The following GABRG1 variants were observed in gnomAD, a reference collection of about 807,000 sequenced individuals.
GABRG1 encodes gamma-aminobutyric acid type A receptor subunit gamma1.
In GABRG1, 49 loss-of-function variants were observed where a neutral mutation model predicts 49.8. That is an observed-to-expected ratio of 0.98 (90% CI 0.78 to 1.25). The LOEUF is 1.25. Ranked by LOEUF, GABRG1 falls within the 50% of genes most tolerant of loss-of-function variation. GABRG1 has a pLI of 0.00. For missense variants in GABRG1, 552 were observed against 552.3 expected (o/e 1.00, Z 0.01); for synonymous variants, 232 against 185.1 (o/e 1.25, Z -2.06).
chr4:46,104,048 A>G (rs1720460838), intron 1 of GABRG1, among the ~76,000 whole-genome samples: 1 of 151,324 alleles, frequency 6.6e-6, no homozygotes, highest in African/African-American at 2.4e-5. Flanking sequence ...TCCTTATATT[A>G]AAAAATAAGG....
intron 3 of GABRG1, among the ~76,000 whole-genome samples, chr4:46,074,326 T>C (rs1188336090): frequency 6.6e-6 from 1 of 152,184 alleles, no homozygotes; most frequent in Non-Finnish European, 1.5e-5. Flanking sequence ...ACGTGACTCA[T>C]GTTTTAAATT....
At chr4:46,110,686 A>C (rs928339405) in intron 1 of GABRG1, among the ~76,000 whole-genome samples, 3 of 151,246 alleles carry the variant, frequency 2.0e-5, no homozygotes, top group Non-Finnish European at 4.4e-5. Flanking sequence ...CTGGGATATA[A>C]GGTTGGTTCA....
At chr4:46,058,186 T>C in intron 7 of GABRG1, 31 bp downstream of exon 7, 2 of 1,575,644 alleles carry the variant, frequency 1.3e-6, no homozygotes, top group Non-Finnish European at 8.6e-7. Context: ...TAAAGTTCTA[T>C]GGCATTATAG....
intron 3 of GABRG1, among the ~76,000 whole-genome samples, chr4:46,071,130 A>T (rs1319473156): frequency 6.6e-6 from 1 of 152,040 alleles, no homozygotes; most frequent in African/African-American, 2.4e-5. Flanking sequence ...TGATATAAAC[A>T]AACCTATTAT....
chr4:46,095,878 A>G (rs1720148957), intron 2 of GABRG1, among the ~76,000 whole-genome samples: 1 of 151,792 alleles, frequency 6.6e-6, no homozygotes, highest in Admixed American at 6.6e-5. Context: ...ACGTAAGTGA[A>G]TTCATTTCAC....
chr4:46,045,957 G>C (rs1248949330), intron 8 of GABRG1, among the ~76,000 whole-genome samples: 1 of 152,018 alleles, frequency 6.6e-6, no homozygotes, highest in Admixed American at 6.6e-5. Flanking sequence ...AAGAGTTATA[G>C]ATACCTGGAA....
At chr4:46,090,720 A>T (rs1242048280) in intron 2 of GABRG1, among the ~76,000 whole-genome samples, 1 of 152,004 alleles carries the variant, frequency 6.6e-6, no homozygotes, top group Non-Finnish European at 1.5e-5. Flanking sequence ...GATAGCCAGA[A>T]TTTGATGTAA....
chr4:46,083,026 C>T lies in GABRG1; in HGVS notation c.321+960G>A, dbSNP rs753547174. ...CTTCCCTGATAGCAAATCTATAAGG[C>T]AAAATGCTGCTGGACCATTCCTGCT... On this transcript the variant is annotated intron_variant, in intron 3 of 8. Transcript: ENST00000295452. Among the ~76,000 whole-genome samples, 88 of 151,738 alleles carry T rather than the reference C, an allele frequency of 5.8e-4. 1 individual carries two copies. The highest frequency in any genetic ancestry group is 8.4e-4 in the Non-Finnish European group (57 of 67,764).
At chr4:46,086,091 G>A (rs939910869) in intron 2 of GABRG1, among the ~76,000 whole-genome samples, 1 of 151,494 alleles carries the variant, frequency 6.6e-6, no homozygotes, top group Non-Finnish European at 1.5e-5. Flanking sequence ...AAATGTGAAG[G>A]CAGGTAGAGA....
At chr4:46,051,398 A>C in intron 8 of GABRG1, 26 bp downstream of exon 8, 1 of 1,522,646 alleles carries the variant, frequency 6.6e-7, no homozygotes, top group Non-Finnish European at 8.9e-7. Context: ...AGGTTTATAA[A>C]ATAGAAATTT....
intron 8 of GABRG1, among the ~76,000 whole-genome samples, chr4:46,043,138 G>C (rs186039889): frequency 6.6e-6 from 1 of 152,006 alleles, no homozygotes; most frequent in East Asian, 1.9e-4. Flanking sequence ...AGATTATGTG[G>C]TAGAAAACAC....
At chr4:46,062,367 C>T (rs1229417230) in intron 5 of GABRG1, among the ~76,000 whole-genome samples, 5 of 151,822 alleles carry the variant, frequency 3.3e-5, no homozygotes, top group Admixed American at 1.3e-4. Context: ...GCAGCATGAT[C>T]TATAGTCCTT....
At chr4:46,117,578 CTCTG>C in intron 1 of GABRG1, among the ~76,000 whole-genome samples, 1 of 143,436 alleles carries the variant, frequency 7.0e-6, no homozygotes, top group East Asian at 2.0e-4. Context: ...CTCTCTCTCT[CTCTG>C]TCTCTCTTTG....
Position 46,051,734 on chromosome 4 carries a change from A to C in GABRG1, c.917-96T>G, listed in dbSNP as rs111340364. 647 of 690,954 alleles carry C rather than the reference A, an allele frequency of 9.4e-4. 2 individuals are homozygous for C. The African/African-American group carries it at 0.011, about 12-fold the overall frequency. 42.8% of individuals were successfully genotyped at this position (690,954 alleles called of 1,614,324 possible). On this transcript the variant is annotated intron_variant, in intron 7 of 8. Coordinates refer to ENST00000295452, the MANE Select transcript of GABRG1 (RefSeq NM_173536.4). Reference sequence around the variant, plus strand: ...AATATTGTGAGTGAAATTAAACAATAGAAACAAAAATATGATTACTAGTAA... The same window carrying C: ...AATATTGTGAGTGAAATTAAACAATCGAAACAAAAATATGATTACTAGTAA...
chr4:46,097,805 G>A (rs1490404196), intron 1 of GABRG1, among the ~76,000 whole-genome samples: 1 of 151,562 alleles, frequency 6.6e-6, no homozygotes, highest in African/African-American at 2.4e-5. Context: ...TAGAAAAGAA[G>A]AATTAAGAAA....
At chr4:46,104,231 A>G (rs539011069) in intron 1 of GABRG1, among the ~76,000 whole-genome samples, 1 of 151,576 alleles carries the variant, frequency 6.6e-6, no homozygotes, top group African/African-American at 2.4e-5. Context: ...CCTACTCAAA[A>G]CATACATAGA....
intron 3 of GABRG1, among the ~76,000 whole-genome samples, chr4:46,071,989 T>C (rs1000695458): frequency 1.3e-5 from 2 of 152,176 alleles, no homozygotes; most frequent in African/African-American, 4.8e-5. Flanking sequence ...CACTCACCAC[T>C]CACTCACTGA....
At chr4:46,062,159 G>T (rs1718721250) in intron 5 of GABRG1, among the ~76,000 whole-genome samples, 1 of 151,368 alleles carries the variant, frequency 6.6e-6, no homozygotes, top group Admixed American at 6.6e-5. Flanking sequence ...AGTTTACTGA[G>T]AATGATGATT....
chr4:46,072,538 A>C (rs1719169921), intron 3 of GABRG1, among the ~76,000 whole-genome samples: 1 of 152,074 alleles, frequency 6.6e-6, no homozygotes, highest in Admixed American at 6.6e-5. Flanking sequence ...TCTCTATGAA[A>C]ATCTGTATTC....
Sources: allele counts gnomAD v4.1 joint callset (sites outside exome capture counted in the v4.1 genomes callset), GRCh38; gene constraint gnomAD v4.1.1; transcripts MANE v1.5; gene names NCBI Gene and HGNC (gene_info 2026-07-23, HGNC 2026-07-21).